Variants in DIAPH2 observed in about 807,000 individuals in gnomAD.
DIAPH2 encodes protein diaphanous homolog 2.
Under a neutral mutation model 92.7 loss-of-function variants are expected in DIAPH2, and 35 were observed. The ratio of observed to expected loss-of-function variants is 0.38; its 90% CI spans 0.29 to 0.50. DIAPH2 has a LOEUF of 0.50. DIAPH2 is among the 20% of genes least tolerant of loss of function. The pLI is 0.94. For synonymous variants in DIAPH2, 301 were observed against 280.4 expected (o/e 1.07, Z -0.73); for missense variants, 701 against 819.5 (o/e 0.86, Z 1.77).
At chrX:96,708,779 G>A (rs2063901620) in intron 1 of DIAPH2, among the ~76,000 whole-genome samples, 1 of 112,628 alleles carries the variant, frequency 8.9e-6, no homozygotes, top group Admixed American at 9.4e-5. Flanking sequence ...TGGGGAGGTA[G>A]GTAATCATAT....
chrX:97,061,260 A>G (rs1357591831), intron 17 of DIAPH2, among the ~76,000 whole-genome samples: 1 of 112,072 alleles, frequency 8.9e-6, no homozygotes, highest in Non-Finnish European at 1.9e-5. Context: ...CTGTTGCTCT[A>G]AGGCCCACAA....
chrX:97,482,871 T>C (rs1384090812), intron 26 of DIAPH2, among the ~76,000 whole-genome samples: 1 of 111,428 alleles, frequency 9.0e-6, no homozygotes, highest in Non-Finnish European at 1.9e-5. Context: ...TGCACTACTT[T>C]CTCCTCAGAG....
chrX:97,286,664 C>G (rs1384765058), intron 23 of DIAPH2, among the ~76,000 whole-genome samples: 5 of 111,119 alleles, frequency 4.5e-5, no homozygotes, highest in Middle Eastern at 4.6e-3. Context: ...GACTGAAATA[C>G]GGGCACCTCT....
intron 4 of DIAPH2, among the ~76,000 whole-genome samples, chrX:96,826,631 A>G (rs2064817885): frequency 9.0e-6 from 1 of 111,514 alleles, no homozygotes; most frequent in African/African-American, 3.3e-5. Flanking sequence ...CTTGGGGAGG[A>G]GCTCTAGGCT....
chrX:97,382,820 A>G (rs1000244584), intron 24 of DIAPH2, among the ~76,000 whole-genome samples: 2 of 112,379 alleles, frequency 1.8e-5, no homozygotes, highest in Non-Finnish European at 3.8e-5. Context: ...GTCTTTTAAC[A>G]TAAAGAAAAA....
At chrX:97,012,495 A>G (rs776505573) in intron 17 of DIAPH2, among the ~76,000 whole-genome samples, 1 of 112,224 alleles carries the variant, frequency 8.9e-6, no homozygotes, top group Non-Finnish European at 1.9e-5. Flanking sequence ...TGTATATCCC[A>G]TGAAAATGGA....
chrX:96,917,548 T>G, intron 8 of DIAPH2, among the ~76,000 whole-genome samples: 1 of 111,681 alleles, frequency 9.0e-6, no homozygotes, highest in East Asian at 2.8e-4. Context: ...AAATATTTTT[T>G]AATCACTTAG....
chrX:97,598,681 G>T (rs2071571395), intron 26 of DIAPH2, among the ~76,000 whole-genome samples: 1 of 111,453 alleles, frequency 9.0e-6, no homozygotes, highest in South Asian at 3.8e-4. Context: ...GGTGGGAATG[G>T]GACCTGGAAT....
At chrX:97,384,182 T>G (rs2069578034) in intron 25 of DIAPH2, 138 bp downstream of exon 25, 5 of 522,234 alleles carry the variant, frequency 9.6e-6, no homozygotes, top group African/African-American at 2.4e-5. Context: ...TCTCTCATGA[T>G]GCTATGTGTG....
intron 5 of DIAPH2, among the ~76,000 whole-genome samples, chrX:96,906,106 G>GCGAC (rs2065432020): frequency 8.9e-6 from 1 of 112,439 alleles, no homozygotes; most frequent in Non-Finnish European, 1.9e-5. Flanking sequence ...TCCAGCCTGG[G>GCGAC]AGGCAGCGAG....
chrX:97,094,300 T>C (rs1762647740), intron 19 of DIAPH2, among the ~76,000 whole-genome samples: 2 of 111,671 alleles, frequency 1.8e-5, no homozygotes, highest in Non-Finnish European at 3.8e-5. Flanking sequence ...CTGAGTATAA[T>C]CTGAATGTTA....
intron 22 of DIAPH2, among the ~76,000 whole-genome samples, chrX:97,204,712 G>A (rs1175973405): frequency 8.9e-6 from 1 of 111,852 alleles, no homozygotes; most frequent in Non-Finnish European, 1.9e-5. Context: ...CTCATGGATA[G>A]GAAGAATCAA....
intron 5 of DIAPH2, among the ~76,000 whole-genome samples, chrX:96,911,870 G>A (rs2065470624): frequency 1.8e-5 from 2 of 111,330 alleles, no homozygotes; most frequent in African/African-American, 3.3e-5. Flanking sequence ...GTAGACACTC[G>A]ACAAATATTT....
At chrX:97,592,366 T>C (rs6620313) in intron 26 of DIAPH2, among the ~76,000 whole-genome samples, 49,288 of 110,343 alleles carry the variant, frequency 0.45, 8,468 homozygotes, top group Non-Finnish European at 0.55. Context: ...AAGTGAAATA[T>C]AGAAAAGTGA....
intron 24 of DIAPH2, among the ~76,000 whole-genome samples, chrX:97,351,539 G>A (rs762382476): frequency 2.1e-4 from 23 of 111,800 alleles, no homozygotes; most frequent in Admixed American, 1.7e-3. Flanking sequence ...ATTAGGGCCC[G>A]GCGCGGTGGC....
intron 5 of DIAPH2, among the ~76,000 whole-genome samples, chrX:96,911,771 T>G (rs951548783): frequency 8.1e-5 from 9 of 111,774 alleles, no homozygotes; most frequent in African/African-American, 2.9e-4. Context: ...ACTGTCTCCC[T>G]ATCTCTAGAT....
chrX:97,365,424 C>G (rs753381881), intron 24 of DIAPH2, among the ~76,000 whole-genome samples: 3 of 111,147 alleles, frequency 2.7e-5, no homozygotes, highest in Non-Finnish European at 5.7e-5. Flanking sequence ...AGTGGCCTTC[C>G]ATGGGTGACA....
chrX:96,945,473 T>C (rs747034503), intron 13 of DIAPH2, 54 bp from the exon 14 acceptor site: 205 of 927,996 alleles, frequency 2.2e-4, no homozygotes, highest in Non-Finnish European at 2.9e-4. Context: ...AAGACGTCTT[T>C]TGTCTAGTGA....
intron 4 of DIAPH2, among the ~76,000 whole-genome samples, chrX:96,806,490 T>C (rs1285338564): frequency 9.4e-6 from 1 of 106,203 alleles, no homozygotes; most frequent in Non-Finnish European, 1.9e-5. Context: ...CTACTAAAAA[T>C]ACAAAATTAG....
Sources: gnomAD v4.1 joint callset for allele counts (sites outside exome capture counted in the v4.1 genomes callset) on GRCh38, gnomAD v4.1.1 for gene constraint, MANE v1.5 for transcripts, NCBI Gene and HGNC (gene_info 2026-07-23, HGNC 2026-07-21) for gene names.